Variants in PPIL1 observed in about 807,000 individuals in gnomAD.
PPIL1 encodes the protein peptidylprolyl isomerase like 1, also known as peptidyl-prolyl cis-trans isomerase-like 1.
In PPIL1, 14 loss-of-function variants were observed where a neutral mutation model predicts 19.4. The observed-to-expected ratio is 0.72, with a 90% CI of 0.48 to 1.13. The LOEUF (loss-of-function observed/expected upper bound fraction) is 1.13. Ranked by LOEUF, PPIL1 falls within the 50% of genes most tolerant of loss-of-function variation. The pLI is 0.00. For missense variants in PPIL1, 192 were observed against 218.0 expected (o/e 0.88, Z 0.75); for synonymous variants, 72 against 73.6 (o/e 0.98, Z 0.11).
intron 2 of PPIL1, among the ~76,000 whole-genome samples, chr6:36,865,600 C>A (rs914057539): frequency 2.6e-5 from 4 of 152,194 alleles, no homozygotes; most frequent in Non-Finnish European, 5.9e-5. Context: ...GCCCTTCCCT[C>A]TACTTCCCAA....
Position 36,856,287 on chromosome 6 carries a change from T to C in PPIL1, c.281-254A>G, listed in dbSNP as rs368185019. The stretch of plus-strand genomic sequence containing the variant: ...GATGCTCCTCACTAACTGTGGACCA[T>C]GTTCCTGACTGCCCTCAAAAACCCA... On this transcript the variant is annotated intron_variant, in intron 3 of 3. Transcript: ENST00000373699. Among the ~76,000 whole-genome samples the C allele has an allele frequency of 5.9e-5, 9 of 152,342 alleles. No homozygotes were observed. In the East Asian group the frequency reaches 1.3e-3, roughly 23 times the overall value.
chr6:36,864,688 G>A (rs891345856), intron 2 of PPIL1, among the ~76,000 whole-genome samples: 3 of 152,078 alleles, frequency 2.0e-5, no homozygotes, highest in East Asian at 1.9e-4. Context: ...AAGCCATCAC[G>A]AAGCTAACCA....
At chr6:36,868,258 T>C (rs1774433387) in intron 2 of PPIL1, among the ~76,000 whole-genome samples, 2 of 151,436 alleles carry the variant, frequency 1.3e-5, no homozygotes, top group Non-Finnish European at 2.9e-5. Context: ...ATTAGAGCAG[T>C]AAAGAACAGA....
rs184906061 is a variant in PPIL1 at position 36,870,526 on chromosome 6, A to G, written c.211+1192T>C. Among the ~76,000 whole-genome samples the G allele has an allele frequency of 2.7e-3, 409 of 152,294 alleles. 2 individuals are homozygous for G. The highest frequency in any genetic ancestry group is 9.3e-3 in the African/African-American group (385 of 41,560). On this transcript the variant is annotated intron_variant, in intron 2 of 3. Transcript: ENST00000373699. The stretch of plus-strand genomic sequence containing the variant: ...CATGTATAGAACTATTTTTCTTGTC[A>G]TTACTCCCCAAACAATACAGTACAA...
intron 2 of PPIL1, among the ~76,000 whole-genome samples, chr6:36,871,258 C>G (rs2150660508): frequency 6.6e-6 from 1 of 152,312 alleles, no homozygotes; most frequent in African/African-American, 2.4e-5. Flanking sequence ...ATAATTCTGT[C>G]TCTTTGTTTA....
In PPIL1 at chr6:36,862,413, C is replaced by T. The variant is rs75648675; in HGVS notation, c.212-5759G>A. ...CAAAAAAGGCAGGTGCTGACAAGTC[C>T]ATTTTGCAGACAGGCGTGGCCAGAT... On this transcript the variant is annotated intron_variant, in intron 2 of 3. Coordinates refer to ENST00000373699, the MANE Select transcript of PPIL1 (RefSeq NM_016059.5). Among the ~76,000 whole-genome samples the T allele has an allele frequency of 5.1e-3, 779 of 152,316 alleles. 4 individuals are homozygous for T. The highest frequency in any genetic ancestry group is 7.8e-3 in the Non-Finnish European group (534 of 68,030).
chr6:36,857,913 C>A (rs1480793897), intron 2 of PPIL1, among the ~76,000 whole-genome samples: 1 of 152,080 alleles, frequency 6.6e-6, no homozygotes, highest in Non-Finnish European at 1.5e-5. Context: ...TAAGCTCAGG[C>A]AGGTTTTGCT....
At chr6:36,869,007 T>G (rs1030278241) in intron 2 of PPIL1, among the ~76,000 whole-genome samples, 2 of 152,134 alleles carry the variant, frequency 1.3e-5, no homozygotes, top group African/African-American at 4.8e-5. Flanking sequence ...TATTTAGAGA[T>G]AGTGTCTCAC....
chr6:36,855,681 C>T lies in PPIL1; in HGVS notation c.*132G>A. On this transcript the variant is annotated 3_prime_UTR_variant, in exon 4 of 4. Transcript: ENST00000373699. ...AATGTACTTCCATCTCTAACTCACC[C>T]AAGATGCCAGGCCTCCTAAGCTTCA... is the stretch of plus-strand genomic sequence containing the variant. The T allele has an allele frequency of 1.2e-6, 1 of 855,086 alleles. No individual in the cohort carries two copies. The highest frequency in any genetic ancestry group is 1.7e-5 in the African/African-American group (1 of 59,672). The allele number at this position is 855,086 out of a possible 1,614,324, so 53.0% of individuals were successfully genotyped here.
chr6:36,856,876 A>AT (rs1251122582), intron 2 of PPIL1, among the ~76,000 whole-genome samples: 2 of 152,190 alleles, frequency 1.3e-5, no homozygotes, highest in Non-Finnish European at 2.9e-5. Context: ...AAATAACGCT[A>AT]TTTTTTCCTG....
chr6:36,858,388 G>A (rs1043375153), intron 2 of PPIL1, among the ~76,000 whole-genome samples: 16 of 152,152 alleles, frequency 1.1e-4, no homozygotes, highest in African/African-American at 3.4e-4. Flanking sequence ...CAAGTTGAAC[G>A]GTCACGACAA....
intron 1 of PPIL1, among the ~76,000 whole-genome samples, chr6:36,872,492 T>C (rs957810755): frequency 6.6e-6 from 1 of 152,146 alleles, no homozygotes; most frequent in Non-Finnish European, 1.5e-5. Context: ...ACCTACCCAA[T>C]AGGATGAGTG....
intron 2 of PPIL1, among the ~76,000 whole-genome samples, chr6:36,858,012 G>A (rs527252646): frequency 1.3e-5 from 2 of 151,898 alleles, no homozygotes; most frequent in Admixed American, 1.3e-4. Context: ...GGTGGATCAC[G>A]AGGTCATGAG....
intron 1 of PPIL1, chr6:36,872,084 G>A (rs764321429): frequency 5.0e-6 from 2 of 403,152 alleles, no homozygotes; most frequent in Non-Finnish European, 8.5e-6. Context: ...GGTGTTCTGG[G>A]TACTTCTTTT....
At chr6:36,861,209 C>T (rs1190280097) in intron 2 of PPIL1, among the ~76,000 whole-genome samples, 1 of 152,114 alleles carries the variant, frequency 6.6e-6, no homozygotes, top group Non-Finnish European at 1.5e-5. Context: ...ATGCACCCCA[C>T]CCCGCAGCAC....
chr6:36,870,110 A>C (rs79814979), intron 2 of PPIL1, among the ~76,000 whole-genome samples: 18 of 151,140 alleles, frequency 1.2e-4, no homozygotes, highest in African/African-American at 3.2e-4. Flanking sequence ...AAAAAAAAAA[A>C]AACCCAAAAA....
At chr6:36,862,718 T>C (rs1443995832) in intron 2 of PPIL1, among the ~76,000 whole-genome samples, 2 of 152,208 alleles carry the variant, frequency 1.3e-5, no homozygotes, top group Non-Finnish European at 2.9e-5. Context: ...GGTGAAGAGA[T>C]GACAATAACT....
At chr6:36,866,497 T>C (rs1035175515) in intron 2 of PPIL1, among the ~76,000 whole-genome samples, 3 of 152,094 alleles carry the variant, frequency 2.0e-5, no homozygotes, top group Non-Finnish European at 4.4e-5. Flanking sequence ...GACCTGCCAG[T>C]GGGCTGCTCA....
chr6:36,870,684 G>A lies in PPIL1; in HGVS notation c.211+1034C>T, dbSNP rs548180754. ...TACCCAGGCTGGACTGCAGTGGTGC[G>A]ATCTTGGCTCACTGCAACCTCCATC... On this transcript the variant is annotated intron_variant, in intron 2 of 3. Transcript: ENST00000373699. Among the ~76,000 whole-genome samples, 45 of 152,154 alleles carry A rather than the reference G, an allele frequency of 3.0e-4. 2 individuals are homozygous for A. In the South Asian group the frequency reaches 7.9e-3, roughly 27 times the overall value.
Sources: gnomAD v4.1 joint callset for allele counts (sites outside exome capture counted in the v4.1 genomes callset) on GRCh38, gnomAD v4.1.1 for gene constraint, MANE v1.5 for transcripts, NCBI Gene and HGNC (gene_info 2026-07-23, HGNC 2026-07-21) for gene names.